ZNF589: variants seen among roughly 807,000 people sequenced by gnomAD.
ZNF589 encodes KRAB-zinc finger protein SZF1-1.
ZNF589 carries 17 observed loss-of-function variants against 13.6 expected under a neutral mutation model. The observed-to-expected ratio is 1.25, with a 90% CI of 0.86 to 1.88. The LOEUF is 1.88. ZNF589 is among the 40% of genes most tolerant of loss of function. The pLI, the probability that ZNF589 is intolerant of heterozygous loss-of-function variation, is 0.00. For synonymous variants in ZNF589, 148 were observed against 161.6 expected, an observed-to-expected ratio of 0.92 and a Z score of 0.64; for missense variants, 407 against 434.0, an observed-to-expected ratio of 0.94 and a Z score of 0.55.
At position 48,250,306 on chromosome 3, in the gene ZNF589, C is replaced by CTT. The variant is rs34016179; in HGVS notation, c.96+2649_96+2650dup. On this transcript the variant is annotated intron_variant, in intron 2 of 3. Coordinates refer to ENST00000354698, the MANE Select transcript of ZNF589 (RefSeq NM_016089.3). ...TAACTACTATTTTACTCTCTACTTTCTTTTTTTTTTTTTTTTTTTTTAATT... is the reference window on the plus strand; with the variant it reads ...TAACTACTATTTTACTCTCTACTTTCTTTTTTTTTTTTTTTTTTTTTTTAATT... Among the ~76,000 whole-genome samples, 188 of 116,816 alleles carry CTT rather than the reference C, an allele frequency of 1.6e-3. 2 individuals are homozygous for CTT. The highest frequency in any genetic ancestry group is 5.5e-3 in the African/African-American group (170 of 30,848). The allele number at this position is 116,816 out of a possible 152,430, so 76.6% of individuals were successfully genotyped here.
At chr3:48,242,389 G>T (rs1284970757) in intron 1 of ZNF589, among the ~76,000 whole-genome samples, 2 of 148,814 alleles carry the variant, frequency 1.3e-5, no homozygotes, top group African/African-American at 5.2e-5. Flanking sequence ...TGGGATTACA[G>T]GTGGGAGCTA....
chr3:48,260,068 A>G (rs112778408), intron 2 of ZNF589, among the ~76,000 whole-genome samples: 6,574 of 152,268 alleles, frequency 0.043, 479 homozygotes, highest in African/African-American at 0.15. Flanking sequence ...CCACCTTTCA[A>G]GTGTAACTAA....
At chr3:48,252,750 G>T (rs1400990439) in intron 2 of ZNF589, among the ~76,000 whole-genome samples, 1 of 148,828 alleles carries the variant, frequency 6.7e-6, no homozygotes, top group Non-Finnish European at 1.5e-5. Context: ...AGCCTCCCAA[G>T]TAGCTGGGAC....
At position 48,267,921 on chromosome 3, in the gene ZNF589, C is replaced by T; in HGVS notation, c.230C>T (p.Ser77Leu). ...GGAAACTTTCTTTCTTCAGCAGAAT[C>T]AAAGCCAGAAGTCCATACCTGCCCT... ...NLRNLVSLAE[S>L]KPEVHTCPSC... is the part of the protein sequence containing the mutation. Residue 77 changes from serine to leucine, a missense_variant, in exon 4 of 4, where the codon TCA becomes TTA. Ser to Leu is a moderately radical substitution (Grantham distance 145, BLOSUM62 -2). Coordinates refer to ENST00000354698, the MANE Select transcript of ZNF589 (RefSeq NM_016089.3). 6.2e-7 allele frequency: 1 copy of T among 1,605,248 alleles called. No homozygotes were observed. The highest frequency in any genetic ancestry group is 8.5e-7 in the Non-Finnish European group (1 of 1,177,784).
chr3:48,268,859 T>G lies in ZNF589; in HGVS notation c.*73T>G. On this transcript the variant is annotated 3_prime_UTR_variant, in exon 4 of 4. Transcript: ENST00000354698. The stretch of plus-strand genomic sequence containing the variant: ...ACATTCAGATGAGAAGCCTTTTGTT[T>G]GCAGAGAGTGTGGGCGAGGCTTTCG... 2 of 1,545,014 alleles carry G rather than the reference T, an allele frequency of 1.3e-6. No individual in the cohort carries two copies. The highest frequency in any genetic ancestry group is 1.7e-6 in the Non-Finnish European group (2 of 1,146,182).
chr3:48,267,957 T>C lies in ZNF589; in HGVS notation c.266T>C (p.Leu89Pro). The change falls in exon 4 of 4, where the codon CTG (leucine) becomes CCG (proline). Residue 89 changes from leucine (L) to proline (P), a missense_variant. Transcript: ENST00000354698. ...GTCCATACCTGCCCTTCTTGCCCTC[T>C]GGCCTTTGGCAGTCAGCAGTTCCTC... ...PEVHTCPSCPLAFGSQQFLSQ... is the reference protein window; with the variant it reads ...PEVHTCPSCPPAFGSQQFLSQ... The C allele has an allele frequency of 6.2e-7, 1 of 1,613,374 alleles. No homozygotes were observed. Among genetic ancestry groups the C allele is most frequent in the South Asian group, 1.1e-5 (1 of 91,080 alleles).
chr3:48,261,415 G>A (rs150838540), intron 3 of ZNF589, among the ~76,000 whole-genome samples: 15 of 152,254 alleles, frequency 9.9e-5, no homozygotes, highest in African/African-American at 3.4e-4. Context: ...TAGTCCTTTG[G>A]AGGAAAAGCA....
chr3:48,254,320 C>G (rs1014240758), intron 2 of ZNF589, among the ~76,000 whole-genome samples: 4 of 152,084 alleles, frequency 2.6e-5, no homozygotes, highest in Admixed American at 6.6e-5. Flanking sequence ...CTATTCTGTT[C>G]CACTGATCTA....
Position 48,241,151 on chromosome 3 carries a change from C to G in ZNF589, c.-21C>G, listed in dbSNP as rs1162666235. The G allele has an allele frequency of 6.2e-7, 1 of 1,600,284 alleles. No homozygotes were observed. The highest frequency in any genetic ancestry group is 1.7e-5 in the Admixed American group (1 of 58,910). The stretch of plus-strand genomic sequence containing the variant: ...CACGGTGCTGCTACCTCGTTTGCTT[C>G]GTGCGTGCGTGCGCGCGCAGATGTG... On this transcript the variant is annotated 5_prime_UTR_variant, in exon 1 of 4. Transcript: ENST00000354698.
chr3:48,266,025 C>T (rs1332642850), intron 3 of ZNF589, among the ~76,000 whole-genome samples: 3 of 152,126 alleles, frequency 2.0e-5, no homozygotes, highest in Non-Finnish European at 4.4e-5. Flanking sequence ...TTTGTGTCCA[C>T]AGTCATAAAG....
At chr3:48,265,826 T>C (rs968000308) in intron 3 of ZNF589, among the ~76,000 whole-genome samples, 5 of 152,160 alleles carry the variant, frequency 3.3e-5, no homozygotes, top group African/African-American at 1.2e-4. Context: ...CTTTATTACC[T>C]GAATTTGGAT....
At chr3:48,247,745 C>G (rs1322045167) in intron 2 of ZNF589, 68 bp downstream of exon 2, 2 of 1,563,700 alleles carry the variant, frequency 1.3e-6, no homozygotes, top group African/African-American at 1.4e-5. Flanking sequence ...GCTCATCTGT[C>G]TTTCTTGGGA....
chr3:48,268,081 A>G lies in ZNF589; in HGVS notation c.390A>G (p.Gln130=). ...NPCPEDQPQS[Q]HPSDKNHRGA... ...GCCCAGAGGATCAGCCACAGTCACA[A>G]CATCCTTCTGATAAAAATCACAGGG... The change falls in exon 4 of 4, where the codon CAA becomes CAG. Residue 130 remains glutamine, a synonymous_variant. Transcript: ENST00000354698. 6.2e-7 allele frequency: 1 copy of G among 1,614,202 alleles called. No individual in the cohort carries two copies. The highest frequency in any genetic ancestry group is 8.5e-7 in the Non-Finnish European group (1 of 1,180,046).
At position 48,269,450 on chromosome 3, in the gene ZNF589, G is replaced by A. The variant is rs138826471; in HGVS notation, c.*664G>A. 19 of 422,892 alleles carry A rather than the reference G, an allele frequency of 4.5e-5. No individual in the cohort carries two copies. In the East Asian group the frequency reaches 8.8e-4, roughly 20 times the overall value. 26.2% of individuals were successfully genotyped at this position (422,892 alleles called of 1,614,324 possible). A position where few individuals can be genotyped will look rare whatever the true frequency, so the allele number is the denominator to read the frequency against. ...TTCAGGGGAGAAGCCTTATGTGTGT[G>A]GGGAATGTGGGCGGGGATTTGGCCG... On this transcript the variant is annotated 3_prime_UTR_variant, in exon 4 of 4. Transcript: ENST00000354698.
chr3:48,262,226 A>G (rs2033975579), intron 3 of ZNF589, among the ~76,000 whole-genome samples: 1 of 152,026 alleles, frequency 6.6e-6, no homozygotes, highest in Non-Finnish European at 1.5e-5. Context: ...TTTCATTCTC[A>G]TTGCCCAAGC....
At chr3:48,253,120 C>T (rs2033857666) in intron 2 of ZNF589, among the ~76,000 whole-genome samples, 1 of 151,934 alleles carries the variant, frequency 6.6e-6, no homozygotes, top group South Asian at 2.1e-4. Context: ...GCAGCCTCTA[C>T]TTCCTAGGTT....
chr3:48,248,156 C>T (rs751849392), intron 2 of ZNF589, among the ~76,000 whole-genome samples: 1 of 152,214 alleles, frequency 6.6e-6, no homozygotes, highest in Non-Finnish European at 1.5e-5. Context: ...AATTTTATTT[C>T]ATCTCCATTC....
chr3:48,251,520 AATGT>A (rs1333367807), intron 2 of ZNF589, among the ~76,000 whole-genome samples: 4 of 152,192 alleles, frequency 2.6e-5, no homozygotes, highest in East Asian at 1.9e-4. Context: ...AGATTGCACC[AATGT>A]ACTCCAGCCT....
intron 2 of ZNF589, among the ~76,000 whole-genome samples, chr3:48,251,840 C>T (rs144457544): frequency 1.3e-3 from 195 of 151,448 alleles, no homozygotes; most frequent in African/African-American, 4.6e-3. Context: ...CCCAGGAGTT[C>T]GAGACCAGCC....
Sources: gnomAD v4.1 joint callset for allele counts (sites outside exome capture counted in the v4.1 genomes callset) on GRCh38, gnomAD v4.1.1 for gene constraint, MANE v1.5 for transcripts, NCBI Gene and HGNC (gene_info 2026-07-23, HGNC 2026-07-21) for gene names.